The following NCKAP5 variants were observed in gnomAD, a reference collection of about 807,000 sequenced individuals.
NCKAP5 encodes the protein nck-associated protein 5.
A neutral mutation model predicts 167.0 loss-of-function variants in NCKAP5; 92 were observed. The ratio of observed to expected loss-of-function variants is 0.55; its 90% CI spans 0.47 to 0.66. The LOEUF is 0.66. Among genes scored for constraint, NCKAP5 ranks in the 30% least tolerant of loss-of-function variants. The probability of loss-of-function intolerance (pLI) is 0.00; values close to 1 mark genes in which losing one functional copy is unlikely to be tolerated. For missense variants in NCKAP5, 2,378 were observed against 2,315.0 expected, an observed-to-expected ratio of 1.03 and a Z score of -0.56; for synonymous variants, 891 against 877.4, an observed-to-expected ratio of 1.02 and a Z score of -0.27.
chr2:132,728,819 G>C lies in NCKAP5; in HGVS notation c.5577C>G (p.Thr1859=). 3.1e-6 allele frequency: 5 copies of C among 1,613,716 alleles called. No individual in the cohort carries two copies. Among genetic ancestry groups the C allele is most frequent in the Non-Finnish European group, 4.2e-6 (5 of 1,179,794 alleles). ...DWGSEVAATG[T]QDKAPRMCTY... ...TTCACCTCCCCCGACCCCTCACCTG[G>C]GTCCCGGTGGCAGCAACTTCACTCC... The change falls in exon 18 of 20, where the codon ACC becomes ACG. Residue 1859 remains threonine, a synonymous_variant. Transcript: ENST00000409261.
intron 3 of NCKAP5, among the ~76,000 whole-genome samples, chr2:133,476,731 C>A (rs1445404337): frequency 2.0e-5 from 3 of 152,192 alleles, no homozygotes; most frequent in South Asian, 2.1e-4. Flanking sequence ...CTCCTTCCCC[C>A]TTTCTCGTGG....
At chr2:132,914,386 GA>G (rs1023719558) in intron 8 of NCKAP5, among the ~76,000 whole-genome samples, 5 of 150,678 alleles carry the variant, frequency 3.3e-5, no homozygotes, top group East Asian at 1.9e-4. Context: ...AAAAATTTTA[GA>G]AAAAAAATAA....
At chr2:133,368,193 C>A (rs1382933729) in intron 3 of NCKAP5, among the ~76,000 whole-genome samples, 1 of 152,186 alleles carries the variant, frequency 6.6e-6, no homozygotes, top group African/African-American at 2.4e-5. Context: ...AATATTCATA[C>A]AATGCCATAA....
At chr2:133,555,660 C>T (rs2104986147) in intron 2 of NCKAP5, among the ~76,000 whole-genome samples, 1 of 152,314 alleles carries the variant, frequency 6.6e-6, no homozygotes, top group Non-Finnish European at 1.5e-5. Flanking sequence ...ACCACACTTC[C>T]TTTCATATAT....
At chr2:133,129,777 C>T (rs1436777183) in intron 6 of NCKAP5, among the ~76,000 whole-genome samples, 1 of 152,194 alleles carries the variant, frequency 6.6e-6, no homozygotes, top group Non-Finnish European at 1.5e-5. Flanking sequence ...CAATAAAGCT[C>T]ATGTCAGGTA....
At chr2:133,178,949 T>C (rs2084608708) in intron 5 of NCKAP5, among the ~76,000 whole-genome samples, 1 of 151,974 alleles carries the variant, frequency 6.6e-6, no homozygotes. Flanking sequence ...GTGGATCACT[T>C]GAGGCCAGGA....
chr2:132,906,894 C>T (rs1034209099), intron 8 of NCKAP5, among the ~76,000 whole-genome samples: 1 of 152,164 alleles, frequency 6.6e-6, no homozygotes, highest in African/African-American at 2.4e-5. Flanking sequence ...TTTAAAATTG[C>T]ATGATGAATA....
chr2:132,681,635 G>A (rs549133967), intron 19 of NCKAP5, among the ~76,000 whole-genome samples: 1 of 152,138 alleles, frequency 6.6e-6, no homozygotes, highest in Non-Finnish European at 1.5e-5. Flanking sequence ...TTTTTCCCAT[G>A]GAAGTTCCCC....
At chr2:132,850,470 G>T (rs750334810) in intron 11 of NCKAP5, among the ~76,000 whole-genome samples, 6 of 151,992 alleles carry the variant, frequency 3.9e-5, no homozygotes, top group Non-Finnish European at 8.8e-5. Context: ...AGAAGCCGCA[G>T]CCTCTAGGGG....
chr2:133,635,063 G>C, the NCKAP5 span, among the ~76,000 whole-genome samples: 1 of 151,924 alleles, frequency 6.6e-6, no homozygotes, highest in African/African-American at 2.4e-5. Flanking sequence ...TAGTAGAAAC[G>C]GGGTTTCACC....
chr2:133,293,831 G>C (rs951333392), intron 4 of NCKAP5, among the ~76,000 whole-genome samples: 2 of 152,154 alleles, frequency 1.3e-5, no homozygotes, highest in African/African-American at 4.8e-5. Flanking sequence ...ACAACTCCTG[G>C]TGGGTAATTG....
chr2:133,223,417 GC>G (rs1450890621), intron 4 of NCKAP5, among the ~76,000 whole-genome samples: 1 of 152,144 alleles, frequency 6.6e-6, no homozygotes, highest in Non-Finnish European at 1.5e-5. Context: ...GGAGTCACCC[GC>G]CGCAGAGGCC....
intron 8 of NCKAP5, among the ~76,000 whole-genome samples, chr2:132,920,737 ATATATGTG>A (rs1695297235): frequency 1.9e-5 from 2 of 105,406 alleles, no homozygotes; most frequent in African/African-American, 8.7e-5. Context: ...ATATATGTAT[ATATATGTG>A]TATATATATA....
intron 11 of NCKAP5, among the ~76,000 whole-genome samples, chr2:132,834,376 G>T (rs1372367229): frequency 6.6e-6 from 1 of 151,912 alleles, no homozygotes; most frequent in African/African-American, 2.4e-5. Flanking sequence ...ATGGAGTCTT[G>T]CTCTGTCGCC....
chr2:133,393,399 T>G (rs1013080272), intron 3 of NCKAP5, among the ~76,000 whole-genome samples: 22 of 152,234 alleles, frequency 1.4e-4, no homozygotes, highest in Non-Finnish European at 2.4e-4. Context: ...GATCCACACC[T>G]GCCTGGTAGC....
intron 4 of NCKAP5, among the ~76,000 whole-genome samples, chr2:133,297,551 C>T (rs1459830658): frequency 1.3e-5 from 2 of 152,096 alleles, no homozygotes. Flanking sequence ...GATGGTTATG[C>T]TATAAGAACC....
intron 3 of NCKAP5, among the ~76,000 whole-genome samples, chr2:133,457,787 T>C (rs1315563354): frequency 6.6e-6 from 1 of 152,132 alleles, no homozygotes; most frequent in Non-Finnish European, 1.5e-5. Context: ...AGTGAGTAAA[T>C]CTCAATTCTT....
At chr2:133,656,304 A>C in the NCKAP5 span, among the ~76,000 whole-genome samples, 2 of 152,222 alleles carry the variant, frequency 1.3e-5, no homozygotes, top group Non-Finnish European at 2.9e-5. Context: ...TTTGAGGAGA[A>C]AATTAGGCAA....
intron 3 of NCKAP5, among the ~76,000 whole-genome samples, chr2:133,485,290 C>A (rs1012773343): frequency 1.3e-5 from 2 of 152,170 alleles, no homozygotes; most frequent in Non-Finnish European, 2.9e-5. Flanking sequence ...TTTCCTCCCC[C>A]CGACAGCACG....
Sources: allele counts gnomAD v4.1 joint callset (sites outside exome capture counted in the v4.1 genomes callset), GRCh38; gene constraint gnomAD v4.1.1; transcripts MANE v1.5; gene names NCBI Gene and HGNC (gene_info 2026-07-23, HGNC 2026-07-21).